Variants in COL25A1 observed in about 807,000 individuals in gnomAD.
COL25A1 encodes the protein collagen type XXV alpha 1 chain, also known as collagen alpha-1(XXV) chain.
COL25A1 carries 103 observed loss-of-function variants against 128.4 expected under a neutral mutation model. The observed-to-expected ratio is 0.80, with a 90% CI of 0.68 to 0.94. The LOEUF (loss-of-function observed/expected upper bound fraction) is 0.94, where lower values mean the gene tolerates loss of function less well. Among genes scored for constraint, COL25A1 ranks in the 40% least tolerant of loss-of-function variants. The pLI is 0.00. For synonymous variants in COL25A1, 279 were observed against 277.2 expected, an observed-to-expected ratio of 1.01 and a Z score of -0.06; for missense variants, 745 against 840.0, an observed-to-expected ratio of 0.89 and a Z score of 1.40.
At chr4:108,828,374 A>G (rs1732641806) in intron 32 of COL25A1, among the ~76,000 whole-genome samples, 1 of 152,090 alleles carries the variant, frequency 6.6e-6, no homozygotes. Context: ...ATTTCAGGTG[A>G]TCCACCCACC....
intron 3 of COL25A1, among the ~76,000 whole-genome samples, chr4:109,109,601 C>T (rs528923362): frequency 8.5e-5 from 13 of 152,260 alleles, no homozygotes; most frequent in East Asian, 3.9e-4. Flanking sequence ...GAACTCTCCC[C>T]GCTATCCTCT....
intron 3 of COL25A1, among the ~76,000 whole-genome samples, chr4:109,223,945 G>A (rs554763333): frequency 2.5e-4 from 38 of 152,178 alleles, no homozygotes; most frequent in African/African-American, 9.2e-4. Flanking sequence ...TATATCTACC[G>A]ATTTTGAAAT....
chr4:109,287,597 A>T (rs940912066), intron 3 of COL25A1, among the ~76,000 whole-genome samples: 1 of 152,138 alleles, frequency 6.6e-6, no homozygotes, highest in Non-Finnish European at 1.5e-5. Flanking sequence ...ATGAAGATAA[A>T]TATTTCCCTA....
chr4:108,895,739 T>G (rs143655115), intron 16 of COL25A1, among the ~76,000 whole-genome samples: 1 of 152,052 alleles, frequency 6.6e-6, no homozygotes, highest in African/African-American at 2.4e-5. Context: ...ATGATTTCAA[T>G]GGGTTTTTGG....
Position 108,813,770 on chromosome 4 carries a change from G to A in COL25A1, c.*157C>T, listed in dbSNP as rs1160588005. On this transcript the variant is annotated 3_prime_UTR_variant, in exon 38 of 38. Coordinates refer to ENST00000399132, the MANE Select transcript of COL25A1 (RefSeq NM_198721.4). ...ACAAATTGCCCAATTTCAGATGTAA[G>A]TGGAGTAAAAATGGACATGTATACT... is the stretch of plus-strand genomic sequence containing the variant. The A allele has an allele frequency of 3.4e-6, 2 of 593,374 alleles. No homozygotes were observed. Among genetic ancestry groups the A allele is most frequent in the Non-Finnish European group, 6.1e-6 (2 of 329,666 alleles). 36.8% of individuals were successfully genotyped at this position (593,374 alleles called of 1,614,324 possible).
intron 3 of COL25A1, among the ~76,000 whole-genome samples, chr4:109,260,758 A>C (rs1781392250): frequency 6.6e-6 from 1 of 152,156 alleles, no homozygotes; most frequent in African/African-American, 2.4e-5. Context: ...GGCCTCCTAA[A>C]GTGCTGGGAT....
chr4:109,047,491 G>C (rs769943804), intron 5 of COL25A1, among the ~76,000 whole-genome samples: 2 of 151,992 alleles, frequency 1.3e-5, no homozygotes, highest in Non-Finnish European at 2.9e-5. Flanking sequence ...AGGTGTGAAG[G>C]GGGTGAGGGA....
intron 3 of COL25A1, among the ~76,000 whole-genome samples, chr4:109,054,686 A>G (rs549395623): frequency 4.9e-4 from 74 of 152,326 alleles, no homozygotes; most frequent in Non-Finnish European, 9.1e-4. Flanking sequence ...ATTCCAAAAA[A>G]TACTCTTATT....
intron 3 of COL25A1, among the ~76,000 whole-genome samples, chr4:109,289,466 A>C (rs749605327): frequency 1.3e-5 from 2 of 152,130 alleles, no homozygotes; most frequent in Non-Finnish European, 2.9e-5. Context: ...ATTTTTGAGA[A>C]AATAATCAGC....
rs147713639 is a variant in COL25A1 at position 109,261,988 on chromosome 4, C to T, written c.367+38595G>A. On this transcript the variant is annotated intron_variant, in intron 3 of 37. Transcript: ENST00000399132. ...CTGGGATTACAGGCATGAGCCACCG[C>T]GCCCGGCTGATATACAATAATTTCA... Among the ~76,000 whole-genome samples the T allele has an allele frequency of 2.3e-4, 35 of 151,910 alleles. No individual in the cohort carries two copies. The South Asian group carries it at 6.2e-3, about 27-fold the overall frequency.
At chr4:109,052,309 G>T (rs150692186) in intron 3 of COL25A1, among the ~76,000 whole-genome samples, 1 of 152,106 alleles carries the variant, frequency 6.6e-6, no homozygotes, top group Non-Finnish European at 1.5e-5. Context: ...CAATCAGAAG[G>T]TTTAAAGAAA....
intron 5 of COL25A1, chr4:109,021,670 T>A: frequency 2.2e-6 from 1 of 446,582 alleles, no homozygotes; most frequent in Non-Finnish European, 4.5e-6. Flanking sequence ...TTTTTCTTCT[T>A]GCAGAGAGCC....
chr4:108,961,928 A>G (rs1560937729), intron 8 of COL25A1, among the ~76,000 whole-genome samples: 1 of 152,210 alleles, frequency 6.6e-6, no homozygotes, highest in Non-Finnish European at 1.5e-5. Context: ...TCTTAATTAA[A>G]AATTTGATTG....
At chr4:108,904,215 G>A (rs1253048003) in intron 13 of COL25A1, among the ~76,000 whole-genome samples, 2 of 152,022 alleles carry the variant, frequency 1.3e-5, no homozygotes, top group Non-Finnish European at 2.9e-5. Context: ...GTTCTACTCT[G>A]GACTGAATGT....
intron 3 of COL25A1, among the ~76,000 whole-genome samples, chr4:109,136,324 G>A (rs1769756877): frequency 6.6e-6 from 1 of 152,118 alleles, no homozygotes; most frequent in Non-Finnish European, 1.5e-5. Flanking sequence ...GCTTAAGCCT[G>A]GGAGGCGGAG....
intron 13 of COL25A1, among the ~76,000 whole-genome samples, chr4:108,906,265 T>C (rs930518727): frequency 1.3e-5 from 2 of 152,106 alleles, no homozygotes; most frequent in Non-Finnish European, 2.9e-5. Flanking sequence ...TGCTCCAGTG[T>C]GGAAAGCAGC....
intron 5 of COL25A1, among the ~76,000 whole-genome samples, chr4:109,025,952 T>C (rs1758224250): frequency 1.3e-5 from 2 of 152,110 alleles, no homozygotes; most frequent in Non-Finnish European, 2.9e-5. Context: ...TTGGACCCTT[T>C]TGAGCTCTCA....
At chr4:108,994,632 A>G (rs12502483) in intron 6 of COL25A1, among the ~76,000 whole-genome samples, 127,923 of 152,226 alleles carry the variant, frequency 0.84, 54,200 homozygotes, top group East Asian at 1. Context: ...AACGACGTTC[A>G]AGCTCTGAGA....
intron 6 of COL25A1, among the ~76,000 whole-genome samples, chr4:108,997,192 G>GT (rs1266979498): frequency 3.3e-5 from 5 of 152,044 alleles, no homozygotes; most frequent in East Asian, 1.9e-4. Context: ...TCCAGGAGCT[G>GT]TTTTTTTGAA....
Sources: gnomAD v4.1 joint callset for allele counts (sites outside exome capture counted in the v4.1 genomes callset) on GRCh38, gnomAD v4.1.1 for gene constraint, MANE v1.5 for transcripts, NCBI Gene and HGNC (gene_info 2026-07-23, HGNC 2026-07-21) for gene names.